The following COL4A5 variants were observed in gnomAD, a reference collection of about 807,000 sequenced individuals.
COL4A5 encodes the protein collagen type IV alpha 5 chain.
In COL4A5, 26 loss-of-function variants were observed where a neutral mutation model predicts 130.2. The observed-to-expected ratio is 0.20, with a 90% confidence interval of 0.15 to 0.28. The LOEUF is 0.28. Ranked by LOEUF, COL4A5 falls within the 10% of genes least tolerant of loss-of-function variation. The pLI is 1.00. For missense variants in COL4A5, 1,131 were observed against 1,344.3 expected (o/e 0.84, Z 2.48); for synonymous variants, 496 against 439.6 (o/e 1.13, Z -1.60).
chrX:108,601,918 C>T lies in COL4A5; in HGVS notation c.2075C>T (p.Pro692Leu). The T allele has an allele frequency of 2.6e-5, 30 of 1,165,093 alleles. No individual in the cohort carries two copies. Among genetic ancestry groups the T allele is most frequent in the Non-Finnish European group, 3.5e-5 (30 of 868,052 alleles). The change falls in exon 27 of 53, where the codon CCA becomes CTA. Residue 692 changes from proline to leucine, a missense_variant. Pro to Leu is a moderately conservative substitution (Grantham distance 98). Transcript: ENST00000328300. ...DPGLPGQPGL[P>L]GIPGSKGEPG... ...GGACTTCCAGGGCAACCAGGCTTGC[C>T]AGGGATACCTGGTAGCAAAGGAGAA...
chrX:108,606,684 A>G, intron 28 of COL4A5, 58 bp from the exon 29 acceptor site: 1 of 1,180,517 alleles, frequency 8.5e-7, no homozygotes, highest in Non-Finnish European at 1.2e-6. Context: ...TGTGGCAAAC[A>G]ATAAGGACAG....
In COL4A5 at chrX:108,534,707, C is replaced by T. The variant is rs369784968; in HGVS notation, c.82-5039C>T. 9.9e-4 allele frequency among the ~76,000 whole-genome samples: 110 copies of T among 111,516 alleles called. 4 individuals carry two copies. The East Asian group carries it at 0.03, about 30-fold the overall frequency. ...GAACTAATCTGTAAATTAATTTTCA[C>T]TCTCTTGAAGGCGGTCTGTCTTGTC... On this transcript the variant is annotated intron_variant, in intron 1 of 52. Transcript: ENST00000328300.
chrX:108,453,807 T>C (rs758399382), intron 1 of COL4A5, among the ~76,000 whole-genome samples: 15 of 111,855 alleles, frequency 1.3e-4, no homozygotes, highest in African/African-American at 4.9e-4. Flanking sequence ...GGTTTAGGGA[T>C]TGGTAAATTG....
intron 1 of COL4A5, among the ~76,000 whole-genome samples, chrX:108,441,478 G>A (rs891968256): frequency 2.7e-5 from 3 of 111,862 alleles, no homozygotes; most frequent in African/African-American, 9.7e-5. Context: ...CCCGGTGTAT[G>A]AAAACTAACT....
At chrX:108,483,564 C>T (rs1457672796) in intron 1 of COL4A5, among the ~76,000 whole-genome samples, 1 of 111,670 alleles carries the variant, frequency 9.0e-6, no homozygotes, top group Non-Finnish European at 1.9e-5. Flanking sequence ...ACAGACACAC[C>T]CAGGATCAAT....
chrX:108,556,711 G>A (rs891320137), intron 2 of COL4A5, among the ~76,000 whole-genome samples: 4 of 110,929 alleles, frequency 3.6e-5, no homozygotes, highest in African/African-American at 6.5e-5. Flanking sequence ...AACAACAAAC[G>A]TCAACCTTCC....
At chrX:108,448,200 T>G (rs1208444229) in intron 1 of COL4A5, among the ~76,000 whole-genome samples, 2 of 112,139 alleles carry the variant, frequency 1.8e-5, no homozygotes, top group Non-Finnish European at 3.8e-5. Context: ...GAAACAGGCT[T>G]TTGCTAAATT....
At chrX:108,525,437 C>T (rs73524501) in intron 1 of COL4A5, among the ~76,000 whole-genome samples, 1 of 110,748 alleles carries the variant, frequency 9.0e-6, no homozygotes, top group Non-Finnish European at 1.9e-5. Flanking sequence ...TGAAGTCTGC[C>T]AATCTCTGAT....
intron 4 of COL4A5, among the ~76,000 whole-genome samples, chrX:108,566,376 A>G (rs192539849): frequency 9.1e-6 from 1 of 110,349 alleles, no homozygotes; most frequent in Non-Finnish European, 1.9e-5. Flanking sequence ...CTCTTTTCAG[A>G]AAACTCCATT....
At chrX:108,666,737 C>T (rs2068089001) in intron 39 of COL4A5, 143 bp downstream of exon 39, 1 of 538,889 alleles carries the variant, frequency 1.9e-6, no homozygotes, top group Non-Finnish European at 3.1e-6. Flanking sequence ...TACCGTCTTC[C>T]TCTTCATCCT....
At chrX:108,634,829 C>T (rs751365774) in intron 36 of COL4A5, among the ~76,000 whole-genome samples, 1 of 111,094 alleles carries the variant, frequency 9.0e-6, no homozygotes, top group Non-Finnish European at 1.9e-5. Flanking sequence ...ATTAAGATCA[C>T]TTTACATGAT....
intron 42 of COL4A5, chrX:108,670,667 C>G (rs1158713491): frequency 3.0e-6 from 1 of 329,861 alleles, no homozygotes; most frequent in Non-Finnish European, 5.9e-6. Context: ...CTTAACTTGC[C>G]ATATCTTTTG....
chrX:108,475,714 A>G (rs1412030580), intron 1 of COL4A5, among the ~76,000 whole-genome samples: 1 of 111,175 alleles, frequency 9.0e-6, no homozygotes, highest in Non-Finnish European at 1.9e-5. Flanking sequence ...TTCCAGGCCT[A>G]GAGCCCCTTC....
chrX:108,619,665 C>G, intron 30 of COL4A5, among the ~76,000 whole-genome samples: 1 of 111,180 alleles, frequency 9.0e-6, no homozygotes, highest in Non-Finnish European at 1.9e-5. Flanking sequence ...AAACAATGTG[C>G]AAAACAAAGG....
At chrX:108,600,388 T>A (rs2066606880) in intron 25 of COL4A5, among the ~76,000 whole-genome samples, 1 of 106,572 alleles carries the variant, frequency 9.4e-6, no homozygotes, top group African/African-American at 3.8e-5. Context: ...TTTTGTGTCA[T>A]GTTTAGGAAA....
At chrX:108,661,716 C>T (rs1382785303) in intron 37 of COL4A5, among the ~76,000 whole-genome samples, 1 of 110,719 alleles carries the variant, frequency 9.0e-6, no homozygotes, top group African/African-American at 3.3e-5. Context: ...TTGAAGAATG[C>T]TGAATATTGT....
At chrX:108,481,130 C>G (rs147386315) in intron 1 of COL4A5, among the ~76,000 whole-genome samples, 112 of 111,062 alleles carry the variant, frequency 1.0e-3, no homozygotes, top group African/African-American at 3.3e-3. Flanking sequence ...AGCTAAAACT[C>G]CATTAATTAC....
rs761547676 is a variant in COL4A5 at position 108,556,000 on chromosome X, T to C, written c.142-3064T>C. 1.5e-4 allele frequency among the ~76,000 whole-genome samples: 17 copies of C among 112,231 alleles called. No individual in the cohort carries two copies. The Admixed American group carries it at 1.6e-3, about 11-fold the overall frequency. On this transcript the variant is annotated intron_variant, in intron 2 of 52. Transcript: ENST00000328300. ...TATTTGTTCTGTTGGGCACTAAGAA[T>C]ACAAAGTTGAAGAAGATATAATTGA...
intron 1 of COL4A5, among the ~76,000 whole-genome samples, chrX:108,526,740 CCTT>C (rs1212239064): frequency 8.9e-5 from 8 of 89,792 alleles, no homozygotes; most frequent in African/African-American, 1.2e-4. Context: ...TCCTCCTCCT[CCTT>C]CTTCTTCTTT....
Sources: gnomAD v4.1 joint callset for allele counts (sites outside exome capture counted in the v4.1 genomes callset) on GRCh38, gnomAD v4.1.1 for gene constraint, MANE v1.5 for transcripts, NCBI Gene and HGNC (gene_info 2026-07-23, HGNC 2026-07-21) for gene names.